MAPKAP1: variants seen among roughly 807,000 people sequenced by gnomAD.
The protein encoded by MAPKAP1 is target of rapamycin complex 2 subunit MAPKAP1.
MAPKAP1 carries 20 observed loss-of-function variants against 65.7 expected under a neutral mutation model. The ratio of observed to expected loss-of-function variants is 0.30; its 90% confidence interval spans 0.21 to 0.44. The LOEUF is 0.44. Ranked by LOEUF, MAPKAP1 falls within the 20% of genes least tolerant of loss-of-function variation. The pLI is 1.00. For synonymous variants in MAPKAP1, 222 were observed against 244.3 expected, an observed-to-expected ratio of 0.91 and a Z score of 0.85; for missense variants, 423 against 648.0, an observed-to-expected ratio of 0.65 and a Z score of 3.77.
At chr9:125,618,886 C>G (rs779683360) in intron 4 of MAPKAP1, among the ~76,000 whole-genome samples, 2 of 152,210 alleles carry the variant, frequency 1.3e-5, no homozygotes, top group Non-Finnish European at 1.5e-5. Context: ...AATATCAGCA[C>G]TTCAGGAGGC....
intron 4 of MAPKAP1, among the ~76,000 whole-genome samples, chr9:125,603,614 GA>G (rs1190559239): frequency 6.6e-6 from 1 of 152,328 alleles, no homozygotes; most frequent in East Asian, 1.9e-4. Flanking sequence ...TGTTCATCTT[GA>G]GTCTTAGTCA....
intron 7 of MAPKAP1, 77 bp from the exon 8 acceptor site, chr9:125,506,494 G>A: frequency 8.5e-7 from 1 of 1,171,310 alleles, no homozygotes; most frequent in Non-Finnish European, 1.3e-6. Context: ...ACCACATACT[G>A]GTGAAAAGCT....
At chr9:125,702,260 C>T (rs111966771) in intron 1 of MAPKAP1, among the ~76,000 whole-genome samples, 2 of 151,926 alleles carry the variant, frequency 1.3e-5, no homozygotes, top group Non-Finnish European at 2.9e-5. Flanking sequence ...TTAGGCCGGG[C>T]GCAGTGGCTC....
chr9:125,551,021 A>G (rs192066530), intron 6 of MAPKAP1, among the ~76,000 whole-genome samples: 11 of 152,338 alleles, frequency 7.2e-5, no homozygotes, highest in Admixed American at 4.6e-4. Context: ...CTCAGCTTAC[A>G]TATTATAAAA....
rs1432061923 is a variant in MAPKAP1, at chr9:125,577,252, CGTCT to C, written c.671+8299_671+8302del. On this transcript the variant is annotated intron_variant, in intron 5 of 11. Transcript: ENST00000265960. ...GAGACCCTCTGCCTGGCAACCGCCC[CGTCT>C]GAGAAGTGAGGAGCCCCTCCACCCA... Among the ~76,000 whole-genome samples the C allele has an allele frequency of 9.2e-5, 14 of 151,660 alleles. No homozygotes were observed. In the East Asian group the frequency reaches 2.8e-3, roughly 30 times the overall value.
At chr9:125,663,583 T>G (rs945656714) in intron 3 of MAPKAP1, among the ~76,000 whole-genome samples, 1 of 152,346 alleles carries the variant, frequency 6.6e-6, no homozygotes, top group African/African-American at 2.4e-5. Flanking sequence ...TTTGTCTTGT[T>G]CACTATTTGT....
At chr9:125,589,066 C>T (rs1169210747) in intron 4 of MAPKAP1, among the ~76,000 whole-genome samples, 2 of 152,072 alleles carry the variant, frequency 1.3e-5, no homozygotes, top group African/African-American at 4.8e-5. Context: ...CTAATGTGTG[C>T]CCTTGGGAGG....
chr9:125,577,279 C>T (rs1048673659), intron 5 of MAPKAP1, among the ~76,000 whole-genome samples: 1 of 151,584 alleles, frequency 6.6e-6, no homozygotes, highest in African/African-American at 2.4e-5. Flanking sequence ...GCCCCTCCAC[C>T]CAGCAGCCGT....
At chr9:125,580,680 T>C (rs1023730109) in intron 5 of MAPKAP1, among the ~76,000 whole-genome samples, 1 of 109,856 alleles carries the variant, frequency 9.1e-6, no homozygotes, top group Non-Finnish European at 2.1e-5. Context: ...AACTTAAAAG[T>C]ATAAAAAAAA....
Position 125,638,881 on chromosome 9 carries a change from C to T in MAPKAP1, c.498+18770G>A, listed in dbSNP as rs1195386234. On this transcript the variant is annotated intron_variant, in intron 4 of 11. Transcript: ENST00000265960. Reference sequence around the variant, plus strand: ...TCACCACCTTTGGGGCCAACCCCTTCGGGAAAACATGGAGCCACTTAAAAA... The same window carrying T: ...TCACCACCTTTGGGGCCAACCCCTTTGGGAAAACATGGAGCCACTTAAAAA... Among the ~76,000 whole-genome samples, 3 of 152,308 alleles carry T rather than the reference C, an allele frequency of 2.0e-5. No homozygotes were observed. In the South Asian group the frequency reaches 6.2e-4, roughly 32 times the overall value.
chr9:125,465,975 C>T (rs190821682), intron 10 of MAPKAP1, among the ~76,000 whole-genome samples: 198 of 152,340 alleles, frequency 1.3e-3, no homozygotes, highest in African/African-American at 4.7e-3. Flanking sequence ...ACAGTGACCA[C>T]AGCCCAAATG....
At chr9:125,704,216 T>C (rs1353183636) in intron 1 of MAPKAP1, among the ~76,000 whole-genome samples, 2 of 152,208 alleles carry the variant, frequency 1.3e-5, no homozygotes, top group African/African-American at 2.4e-5. Context: ...TAATCCCCTC[T>C]ATCTTACAGC....
At chr9:125,559,451 G>A in intron 6 of MAPKAP1, 182 bp downstream of exon 6, 1 of 563,238 alleles carries the variant, frequency 1.8e-6, no homozygotes. Flanking sequence ...CGTAGCCTAG[G>A]TGCAGAGGCA....
At chr9:125,530,561 T>C (rs1235597833) in intron 7 of MAPKAP1, among the ~76,000 whole-genome samples, 1 of 152,244 alleles carries the variant, frequency 6.6e-6, no homozygotes, top group Non-Finnish European at 1.5e-5. Flanking sequence ...TTTGCAGACA[T>C]AAGCTATCTG....
intron 1 of MAPKAP1, among the ~76,000 whole-genome samples, chr9:125,674,503 A>G (rs566031439): frequency 1.4e-4 from 21 of 152,342 alleles, no homozygotes; most frequent in African/African-American, 5.1e-4. Context: ...CAGTCCTAGA[A>G]GATACTTACT....
intron 7 of MAPKAP1, among the ~76,000 whole-genome samples, chr9:125,518,433 T>C (rs982584092): frequency 1.3e-5 from 2 of 151,878 alleles, no homozygotes; most frequent in Non-Finnish European, 2.9e-5. Flanking sequence ...TCCCAACACT[T>C]TGGGAGGTGC....
chr9:125,684,099 A>G (rs560637797), intron 1 of MAPKAP1, among the ~76,000 whole-genome samples: 1 of 152,202 alleles, frequency 6.6e-6, no homozygotes, highest in Non-Finnish European at 1.5e-5. Flanking sequence ...AGTCATATGA[A>G]TATTATTTTT....
intron 7 of MAPKAP1, among the ~76,000 whole-genome samples, chr9:125,532,276 G>A (rs1829955575): frequency 6.6e-6 from 1 of 152,090 alleles, no homozygotes; most frequent in Admixed American, 6.5e-5. Flanking sequence ...ATCTCACAAG[G>A]TCTTTTGTAA....
At chr9:125,487,338 G>GCCT (rs1554809752) in intron 8 of MAPKAP1, among the ~76,000 whole-genome samples, 1 of 151,614 alleles carries the variant, frequency 6.6e-6, no homozygotes, top group Non-Finnish European at 1.5e-5. Context: ...ACTTTTTCCA[G>GCCT]TCATTTTTAC....
Sources: gnomAD v4.1 joint callset for allele counts (sites outside exome capture counted in the v4.1 genomes callset) on GRCh38, gnomAD v4.1.1 for gene constraint, MANE v1.5 for transcripts, NCBI Gene and HGNC (gene_info 2026-07-23, HGNC 2026-07-21) for gene names.